The following ESR1 variants were observed in gnomAD, a reference collection of about 807,000 sequenced individuals.
The protein encoded by ESR1 is estrogen receptor 1.
ESR1 carries 12 observed loss-of-function variants against 52.7 expected under a neutral mutation model. That is an observed-to-expected ratio of 0.23 (90% confidence interval 0.15 to 0.37). The LOEUF (loss-of-function observed/expected upper bound fraction) is 0.37. ESR1 is among the 10% of genes least tolerant of loss of function. ESR1 has a pLI of 1.00. For missense variants in ESR1, 584 were observed against 779.7 expected (o/e 0.75, Z 2.99); for synonymous variants, 305 against 316.8 (o/e 0.96, Z 0.39).
At chr6:151,674,660 T>A (rs1562322658) in intron 1 of ESR1, among the ~76,000 whole-genome samples, 1 of 152,212 alleles carries the variant, frequency 6.6e-6, no homozygotes, top group Admixed American at 6.5e-5. Context: ...ATAAAAGTGT[T>A]CCTATTTCTC....
downstream of ESR1, among the ~76,000 whole-genome samples, chr6:152,105,722 A>G (rs1434117107): frequency 6.7e-6 from 1 of 149,524 alleles, no homozygotes. Flanking sequence ...CACTGGGCCC[A>G]GCCAATTTAA....
intron 6 of ESR1, among the ~76,000 whole-genome samples, chr6:152,073,063 A>G (rs2048472767): frequency 1.3e-5 from 2 of 152,362 alleles, no homozygotes; most frequent in South Asian, 4.1e-4. Flanking sequence ...ATAACATGCC[A>G]GAGGCATTTC....
intron 6 of ESR1, among the ~76,000 whole-genome samples, chr6:152,086,384 ATACT>A (rs2049719918): frequency 1.3e-5 from 2 of 149,138 alleles, no homozygotes; most frequent in African/African-American, 2.4e-5. Flanking sequence ...ATTTAAATAA[ATACT>A]TAATATTTAT....
chr6:152,000,557 G>A (rs1562652716), intron 4 of ESR1, among the ~76,000 whole-genome samples: 1 of 151,840 alleles, frequency 6.6e-6, no homozygotes, highest in Non-Finnish European at 1.5e-5. Context: ...TTAGAGCCCA[G>A]GTAATGATTT....
At chr6:152,015,359 A>G (rs1300711733) in intron 5 of ESR1, among the ~76,000 whole-genome samples, 3 of 152,172 alleles carry the variant, frequency 2.0e-5, no homozygotes, top group Admixed American at 6.5e-5. Context: ...CAGCCTTTAT[A>G]TATACAAAAG....
At chr6:152,121,855 T>TA (rs886061186) in intron 6 of ESR1, 1 of 153,942 alleles carries the variant, frequency 6.5e-6, no homozygotes, top group Admixed American at 6.4e-5. Flanking sequence ...TTTATACCTC[T>TA]AAAAAAAAGT....
intron 5 of ESR1, among the ~76,000 whole-genome samples, chr6:152,041,084 A>G (rs916512360): frequency 3.3e-5 from 5 of 152,252 alleles, no homozygotes; most frequent in Non-Finnish European, 7.3e-5. Context: ...ACCAAAGCAC[A>G]GTAACAGGCC....
intron 4 of ESR1, among the ~76,000 whole-genome samples, chr6:151,987,090 A>G (rs2040560967): frequency 6.6e-6 from 1 of 151,894 alleles, no homozygotes; most frequent in Non-Finnish European, 1.5e-5. Context: ...ATTTCCTCAC[A>G]GATTATTTCT....
chr6:151,875,443 A>G (rs1791646348), intron 2 of ESR1, among the ~76,000 whole-genome samples: 1 of 152,174 alleles, frequency 6.6e-6, no homozygotes, highest in African/African-American at 2.4e-5. Flanking sequence ...TTGTTCAGAT[A>G]TTGGATACTT....
At chr6:151,708,421 G>T (rs851978) in intron 2 of ESR1, among the ~76,000 whole-genome samples, 47,833 of 151,918 alleles carry the variant, frequency 0.31, 8,095 homozygotes, top group African/African-American at 0.43. Flanking sequence ...GGGTTTTATT[G>T]TTATGGTGTA....
At chr6:151,843,338 TG>T (rs1194512109) in intron 2 of ESR1, among the ~76,000 whole-genome samples, 1 of 152,184 alleles carries the variant, frequency 6.6e-6, no homozygotes, top group African/African-American at 2.4e-5. Flanking sequence ...TGTCTTGTAA[TG>T]GGGAGATATC....
intron 2 of ESR1, among the ~76,000 whole-genome samples, chr6:151,852,194 T>C (rs770380097): frequency 6.6e-6 from 1 of 152,162 alleles, no homozygotes; most frequent in Non-Finnish European, 1.5e-5. Flanking sequence ...AGATGATAGC[T>C]GGATGTCCAG....
intron 5 of ESR1, among the ~76,000 whole-genome samples, chr6:152,049,703 G>A (rs1362425052): frequency 2.0e-5 from 3 of 152,214 alleles, no homozygotes; most frequent in Non-Finnish European, 4.4e-5. Context: ...AAAAAAGAGG[G>A]AGGAAGAGAG....
At chr6:152,067,677 G>C (rs2048067841) in intron 6 of ESR1, among the ~76,000 whole-genome samples, 1 of 151,998 alleles carries the variant, frequency 6.6e-6, no homozygotes, top group African/African-American at 2.4e-5. Flanking sequence ...AATACAAAAA[G>C]TTAGCTGGGC....
At chr6:151,853,197 A>AG (rs1348079816) in intron 2 of ESR1, among the ~76,000 whole-genome samples, 2 of 140,250 alleles carry the variant, frequency 1.4e-5, no homozygotes, top group African/African-American at 5.8e-5. Flanking sequence ...AAAAAAAAAA[A>AG]AGAGAAAGAA....
chr6:151,685,421 C>T (rs1778628189), intron 1 of ESR1, among the ~76,000 whole-genome samples: 1 of 152,022 alleles, frequency 6.6e-6, no homozygotes, highest in Admixed American at 6.6e-5. Flanking sequence ...GCGTGAGCCA[C>T]CGCGCCCGGC....
At chr6:151,975,464 C>G (rs1471391891) in intron 4 of ESR1, among the ~76,000 whole-genome samples, 1 of 151,840 alleles carries the variant, frequency 6.6e-6, no homozygotes, top group East Asian at 1.9e-4. Context: ...ATCAATCAAT[C>G]AAGACAAAAA....
intron 2 of ESR1, among the ~76,000 whole-genome samples, chr6:151,703,201 A>G (rs944798166): frequency 6.6e-6 from 1 of 152,120 alleles, no homozygotes; most frequent in African/African-American, 2.4e-5. Context: ...GACCTTTTCT[A>G]CCCTACTGCA....
chr6:151,832,633 C>T (rs1485474542), intron 1 of ESR1, among the ~76,000 whole-genome samples: 1 of 152,196 alleles, frequency 6.6e-6, no homozygotes, highest in Admixed American at 6.5e-5. Context: ...GAGCAACAGA[C>T]TCAGCTATGC....
Sources: allele counts gnomAD v4.1 joint callset (sites outside exome capture counted in the v4.1 genomes callset), GRCh38; gene constraint gnomAD v4.1.1; transcripts MANE v1.5; gene names NCBI Gene and HGNC (gene_info 2026-07-23, HGNC 2026-07-21).